The following NCBP1 variants were observed in gnomAD, a reference collection of about 807,000 sequenced individuals.
NCBP1 encodes nuclear cap binding protein subunit 1.
In NCBP1, 16 loss-of-function variants were observed where a neutral mutation model predicts 111.7. The observed-to-expected ratio is 0.14, with a 90% CI of 0.10 to 0.22. The LOEUF (loss-of-function observed/expected upper bound fraction) is 0.22, where lower values mean the gene tolerates loss of function less well. NCBP1 is among the 10% of genes least tolerant of loss of function. NCBP1 has a pLI of 1.00. For synonymous variants in NCBP1, 304 were observed against 314.3 expected, an observed-to-expected ratio of 0.97 and a Z score of 0.35; for missense variants, 607 against 957.5, an observed-to-expected ratio of 0.63 and a Z score of 4.83.
intron 11 of NCBP1, among the ~76,000 whole-genome samples, chr9:97,654,609 AT>A (rs1241573355): frequency 6.6e-6 from 1 of 152,100 alleles, no homozygotes; most frequent in Non-Finnish European, 1.5e-5. Context: ...CAATGAAACA[AT>A]GTATGCCTGT....
Position 97,658,698 on chromosome 9 carries a change from C to T in NCBP1, c.1432C>T (p.Pro478Ser). The T allele has an allele frequency of 6.2e-7, 1 of 1,613,384 alleles. No homozygotes were observed. Among genetic ancestry groups the T allele is most frequent in the Non-Finnish European group, 8.5e-7 (1 of 1,179,430 alleles). ...TCCTCCTACCTTCTCAGCTCTGTGT[C>T]CTGCAAACCCAACCTGCATTTACAA... The part of the protein sequence containing the change: ...IVPPTFSALC[P>S]ANPTCIYKYG... The change falls in exon 15 of 23, where the codon CCT (proline) becomes TCT (serine). Residue 478 changes from proline (P) to serine (S), a missense_variant. By Grantham distance (74) the Pro-to-Ser change is moderately conservative (BLOSUM62 -1). Transcript: ENST00000375147.
chr9:97,661,577 T>C (rs1365559460), intron 16 of NCBP1, among the ~76,000 whole-genome samples: 1 of 152,130 alleles, frequency 6.6e-6, no homozygotes, highest in Non-Finnish European at 1.5e-5. Context: ...AAATAAGATA[T>C]TAGTGGCCTT....
Position 97,655,592 on chromosome 9 carries a change from A to AT in NCBP1, c.1236-108dup, listed in dbSNP as rs1419478985. ...CTGCATGTAGGGGAATATGCTTTTC[A>AT]TTAACTCTGTAAAGTCGGGTTTTAT... is the stretch of plus-strand genomic sequence containing the variant. On this transcript the variant is annotated intron_variant, in intron 12 of 22. Coordinates refer to ENST00000375147, the MANE Select transcript of NCBP1 (RefSeq NM_002486.5). The AT allele has an allele frequency of 3.8e-6, 3 of 782,770 alleles. No individual in the cohort carries two copies. The African/African-American group carries it at 5.3e-5, about 14-fold the overall frequency. 48.5% of individuals were successfully genotyped at this position (782,770 alleles called of 1,614,324 possible).
At position 97,648,266 on chromosome 9, in the gene NCBP1, A is replaced by G. The variant is rs201327246; in HGVS notation, c.897+43A>G. 1.4e-5 allele frequency: 22 copies of G among 1,575,586 alleles called. No homozygotes were observed. The East Asian group carries it at 4.5e-4, about 32-fold the overall frequency. On this transcript the variant is annotated intron_variant, in intron 8 of 22. Transcript: ENST00000375147. ...AGTCCTAGATATTGACCTGTGTTGC[A>G]TTGTGCTTGTGGGTTAATCCCGCTT...
At position 97,668,829 on chromosome 9, in the gene NCBP1, T is replaced by A; in HGVS notation, c.2017-17T>A. On this transcript the variant is annotated splice_polypyrimidine_tract_variant and intron_variant, in intron 20 of 22. Coordinates refer to ENST00000375147, the MANE Select transcript of NCBP1 (RefSeq NM_002486.5). ...AATCTAAATGGTATTTTCCTTTTGT[T>A]CATTTGCCTTCTATAGCGAAGTGAT... 3 of 1,606,832 alleles carry A rather than the reference T, an allele frequency of 1.9e-6. No homozygotes were observed. The highest frequency in any genetic ancestry group is 2.5e-6 in the Non-Finnish European group (3 of 1,177,882).
intron 6 of NCBP1, among the ~76,000 whole-genome samples, chr9:97,647,279 A>G (rs1028718910): frequency 1.3e-5 from 2 of 152,206 alleles, no homozygotes; most frequent in African/African-American, 2.4e-5. Flanking sequence ...CAAAGAGATT[A>G]TATCAGTTAA....
rs746236459 is a variant in NCBP1 at position 97,645,140 on chromosome 9, G to A, written c.405G>A (p.Val135=). The A allele has an allele frequency of 3.7e-5, 60 of 1,613,092 alleles. No homozygotes were observed. Among genetic ancestry groups the A allele is most frequent in the Non-Finnish European group, 4.7e-5 (55 of 1,179,424 alleles). The change falls in exon 5 of 23, where the codon GTG becomes GTA. Residue 135 remains valine (V), a synonymous_variant. Transcript: ENST00000375147. ...AGGTCCGTTTTTTATCTGATCTTGTGAATTGTCATGTGATTGCCGCCCCAT... is the reference window on the plus strand; with the variant it reads ...AGGTCCGTTTTTTATCTGATCTTGTAAATTGTCATGTGATTGCCGCCCCAT... ...VYLVRFLSDL[V]NCHVIAAPSM...
intron 22 of NCBP1, 135 bp from the exon 23 acceptor site, chr9:97,670,936 TTTCAGGGGTCCATTG>T (rs1828171162): frequency 2.0e-6 from 1 of 493,182 alleles, no homozygotes; most frequent in Non-Finnish European, 3.6e-6. Context: ...TGTTGGGGAT[TTTCAGGGGTCCATTG>T]TTCCTATCAG....
intron 14 of NCBP1, among the ~76,000 whole-genome samples, chr9:97,658,029 G>A (rs1353501076): frequency 6.7e-6 from 1 of 150,174 alleles, no homozygotes; most frequent in Non-Finnish European, 1.5e-5. Context: ...CCCTATCACT[G>A]GAATCATCTA....
intron 20 of NCBP1, among the ~76,000 whole-genome samples, chr9:97,667,648 C>T (rs1288344676): frequency 6.6e-6 from 1 of 152,198 alleles, no homozygotes; most frequent in African/African-American, 2.4e-5. Flanking sequence ...GGTTCTGACA[C>T]AGGTCTGTCA....
intron 20 of NCBP1, among the ~76,000 whole-genome samples, chr9:97,667,948 G>A (rs141886348): frequency 6.6e-6 from 1 of 152,292 alleles, no homozygotes; most frequent in African/African-American, 2.4e-5. Context: ...GTACCCACGT[G>A]TCTAGAACAT....
At position 97,662,050 on chromosome 9, in the gene NCBP1, T is replaced by G; in HGVS notation, c.1609T>G (p.Phe537Val). 1 of 1,611,292 alleles carries G rather than the reference T, an allele frequency of 6.2e-7. No individual in the cohort carries two copies. Among genetic ancestry groups the G allele is most frequent in the African/African-American group, 1.3e-5 (1 of 74,960 alleles). ...TATAAAATATTTTTCAGATGAAGGA[T>G]TCAGTTTTAACCCATTGAAAATAGA... The part of the protein sequence containing the change: ...PNQDDDDDEG[F>V]SFNPLKIEVF... Residue 537 changes from phenylalanine to valine, a missense_variant, in exon 17 of 23, where the codon TTC becomes GTC. Coordinates refer to ENST00000375147, the MANE Select transcript of NCBP1 (RefSeq NM_002486.5).
intron 22 of NCBP1, 41 bp downstream of exon 22, chr9:97,669,747 G>A (rs1828122818): frequency 7.4e-7 from 1 of 1,350,102 alleles, no homozygotes; most frequent in Non-Finnish European, 1.1e-6. Flanking sequence ...ACTATTCTCA[G>A]CCACAAAGAT....
intron 1 of NCBP1, among the ~76,000 whole-genome samples, chr9:97,635,442 T>C (rs563940669): frequency 1.2e-4 from 18 of 144,884 alleles, no homozygotes; most frequent in Non-Finnish European, 2.7e-4. Context: ...AGACGGAGTG[T>C]CATTCTTTGT....
intron 1 of NCBP1, among the ~76,000 whole-genome samples, chr9:97,640,414 G>T (rs1029036739): frequency 6.6e-6 from 1 of 152,076 alleles, no homozygotes; most frequent in Non-Finnish European, 1.5e-5. Flanking sequence ...AGCAACTGAG[G>T]ATCAGTAAAC....
intron 3 of NCBP1, among the ~76,000 whole-genome samples, chr9:97,642,466 T>A (rs1325870225): frequency 1.3e-5 from 2 of 152,106 alleles, no homozygotes; most frequent in Admixed American, 6.6e-5. Flanking sequence ...GCCCACTTAA[T>A]GATTATGAAT....
At chr9:97,647,431 G>A (rs1827373654) in intron 6 of NCBP1, 61 bp from the exon 7 acceptor site, 16 of 1,290,016 alleles carry the variant, frequency 1.2e-5, no homozygotes, top group East Asian at 2.3e-5. Flanking sequence ...ATAACTGTGA[G>A]GGTGACTGAG....
chr9:97,634,362 A>G (rs1826931295), intron 1 of NCBP1, among the ~76,000 whole-genome samples: 1 of 151,928 alleles, frequency 6.6e-6, no homozygotes, highest in Admixed American at 6.6e-5. Context: ...TGCAGTCTGA[A>G]CTCTGTTCCG....
chr9:97,653,996 T>C, intron 11 of NCBP1, 88 bp downstream of exon 11: 1 of 1,202,450 alleles, frequency 8.3e-7, no homozygotes, highest in Non-Finnish European at 1.2e-6. Context: ...TTAAATTTTG[T>C]AGGTAAAAAA....
Sources: gnomAD v4.1 joint callset for allele counts (sites outside exome capture counted in the v4.1 genomes callset) on GRCh38, gnomAD v4.1.1 for gene constraint, MANE v1.5 for transcripts, NCBI Gene and HGNC (gene_info 2026-07-23, HGNC 2026-07-21) for gene names.